ZBTB7C: variants seen among roughly 807,000 people sequenced by gnomAD.
The protein encoded by ZBTB7C is zinc finger and BTB domain containing 7C.
Under a neutral mutation model 25.7 loss-of-function variants are expected in ZBTB7C, and 8 were observed. The observed-to-expected ratio is 0.31, with a 90% CI of 0.18 to 0.56. The LOEUF (loss-of-function observed/expected upper bound fraction) is 0.56. Ranked by LOEUF, ZBTB7C falls within the 20% of genes least tolerant of loss-of-function variation. ZBTB7C has a pLI of 0.91. For synonymous variants in ZBTB7C, 394 were observed against 369.0 expected, an observed-to-expected ratio of 1.07 and a Z score of -0.78; for missense variants, 824 against 855.2, an observed-to-expected ratio of 0.96 and a Z score of 0.46.
At chr18:48,272,499 T>A (rs1224415305) in intron 2 of ZBTB7C, among the ~76,000 whole-genome samples, 2 of 152,124 alleles carry the variant, frequency 1.3e-5, no homozygotes, top group African/African-American at 4.8e-5. Context: ...CCAAAACCAA[T>A]CTGGAAGCCA....
At chr18:48,332,759 C>G (rs1056864889) in intron 2 of ZBTB7C, among the ~76,000 whole-genome samples, 2 of 150,972 alleles carry the variant, frequency 1.3e-5, no homozygotes, top group African/African-American at 4.9e-5. Context: ...TCCAGGCCAG[C>G]CCCTACCAGT....
chr18:48,065,348 C>CACACACAA (rs2037288570), intron 3 of ZBTB7C, among the ~76,000 whole-genome samples: 1 of 152,226 alleles, frequency 6.6e-6, no homozygotes, highest in Admixed American at 6.5e-5. Flanking sequence ...CACACACACA[C>CACACACAA]ACACACAAAC....
intron 2 of ZBTB7C, among the ~76,000 whole-genome samples, chr18:48,244,506 C>G (rs557970318): frequency 1.3e-5 from 2 of 152,104 alleles, no homozygotes; most frequent in Non-Finnish European, 2.9e-5. Flanking sequence ...AAACAGACAA[C>G]CCACAGAGTG....
intron 3 of ZBTB7C, among the ~76,000 whole-genome samples, chr18:48,175,495 A>G (rs1293295169): frequency 1.3e-5 from 2 of 152,226 alleles, no homozygotes; most frequent in East Asian, 3.8e-4. Context: ...AAATACAAAT[A>G]TGTCAGTGTA....
chr18:48,350,241 A>C (rs56412643), intron 1 of ZBTB7C, among the ~76,000 whole-genome samples: 1 of 152,112 alleles, frequency 6.6e-6, no homozygotes, highest in South Asian at 2.1e-4. Context: ...GCTTAGCTGT[A>C]TTCCTTCCTG....
intron 2 of ZBTB7C, among the ~76,000 whole-genome samples, chr18:48,241,509 TCA>T (rs2043524317): frequency 6.6e-6 from 1 of 152,108 alleles, no homozygotes; most frequent in Non-Finnish European, 1.5e-5. Context: ...AAGTACTCTC[TCA>T]GACCACAGTG....
intron 1 of ZBTB7C, among the ~76,000 whole-genome samples, chr18:48,404,743 G>A (rs1160674748): frequency 6.6e-6 from 1 of 152,190 alleles, no homozygotes; most frequent in Non-Finnish European, 1.5e-5. Flanking sequence ...GTGCCATGGA[G>A]TACGGCAAAT....
At chr18:48,343,827 ACAGCTGCCTGCCAC>A (rs988856949) in intron 1 of ZBTB7C, among the ~76,000 whole-genome samples, 2 of 151,944 alleles carry the variant, frequency 1.3e-5, no homozygotes, top group African/African-American at 4.8e-5. Flanking sequence ...TTCCTGGCCC[ACAGCTGCCTGCCAC>A]CTGCAGATTG....
intron 1 of ZBTB7C, among the ~76,000 whole-genome samples, chr18:48,369,844 G>A (rs182895824): frequency 6.6e-6 from 1 of 152,156 alleles, no homozygotes; most frequent in African/African-American, 2.4e-5. Flanking sequence ...AAAACAACTA[G>A]ACAATCAGCA....
At chr18:48,153,775 G>A (rs1318538359) in intron 3 of ZBTB7C, among the ~76,000 whole-genome samples, 3 of 152,216 alleles carry the variant, frequency 2.0e-5, no homozygotes, top group African/African-American at 7.2e-5. Flanking sequence ...TGTGTTCTTT[G>A]AGGTCAAAGC....
At chr18:48,320,582 A>G (rs2046066541) in intron 2 of ZBTB7C, among the ~76,000 whole-genome samples, 1 of 152,202 alleles carries the variant, frequency 6.6e-6, no homozygotes, top group African/African-American at 2.4e-5. Context: ...GGATATCATG[A>G]TGACACAGCT....
At chr18:48,239,801 C>A (rs1422859012) in intron 2 of ZBTB7C, among the ~76,000 whole-genome samples, 1 of 152,030 alleles carries the variant, frequency 6.6e-6, no homozygotes, top group Non-Finnish European at 1.5e-5. Context: ...TATGACAAAA[C>A]AAGGTAGTTT....
intron 3 of ZBTB7C, among the ~76,000 whole-genome samples, chr18:48,133,390 A>G (rs2040047438): frequency 1.3e-5 from 2 of 152,238 alleles, no homozygotes; most frequent in Admixed American, 1.3e-4. Flanking sequence ...ATTTCTATTT[A>G]TCTAAACACA....
intron 2 of ZBTB7C, chr18:48,203,470 G>A (rs1302889306): frequency 6.6e-6 from 1 of 152,292 alleles, no homozygotes; most frequent in Non-Finnish European, 1.5e-5. Flanking sequence ...TGGGTCCACT[G>A]TAGGAATGTT....
chr18:48,044,832 C>G (rs1380409350), intron 3 of ZBTB7C, among the ~76,000 whole-genome samples: 2 of 152,258 alleles, frequency 1.3e-5, no homozygotes, highest in African/African-American at 4.8e-5. Context: ...GCCATCTGCC[C>G]TTAGGCTTAC....
At chr18:48,327,568 C>G (rs1434752300) in intron 2 of ZBTB7C, among the ~76,000 whole-genome samples, 1 of 152,152 alleles carries the variant, frequency 6.6e-6, no homozygotes, top group Non-Finnish European at 1.5e-5. Context: ...AGTCTCGATC[C>G]CAGCTTTGGC....
intron 3 of ZBTB7C, among the ~76,000 whole-genome samples, chr18:48,085,321 C>T (rs534091676): frequency 6.6e-6 from 1 of 152,268 alleles, no homozygotes; most frequent in Admixed American, 6.5e-5. Flanking sequence ...GCATGTTTAC[C>T]TTGTGGTGCC....
chr18:48,243,134 C>T, intron 2 of ZBTB7C, among the ~76,000 whole-genome samples: 1 of 151,978 alleles, frequency 6.6e-6, no homozygotes, highest in Non-Finnish European at 1.5e-5. Flanking sequence ...CATGGTCGTA[C>T]ACGCCTATAA....
At chr18:48,303,350 T>G (rs2045589599) in intron 2 of ZBTB7C, among the ~76,000 whole-genome samples, 1 of 152,142 alleles carries the variant, frequency 6.6e-6, no homozygotes, top group Non-Finnish European at 1.5e-5. Flanking sequence ...AGGGGCTCCT[T>G]TTTATCTCCA....
Sources: gnomAD v4.1 joint callset for allele counts (sites outside exome capture counted in the v4.1 genomes callset) on GRCh38, gnomAD v4.1.1 for gene constraint, MANE v1.5 for transcripts, NCBI Gene and HGNC (gene_info 2026-07-23, HGNC 2026-07-21) for gene names.